The following CEP43 variants were observed in gnomAD, a reference collection of about 807,000 sequenced individuals.
CEP43 encodes the protein centrosomal protein 43.
In CEP43, 36 loss-of-function variants were observed where a neutral mutation model predicts 52.6. The observed-to-expected ratio is 0.68, with a 90% CI of 0.52 to 0.90. The LOEUF is 0.90. Ranked by LOEUF, CEP43 falls within the 40% of genes least tolerant of loss-of-function variation. The pLI, the probability that CEP43 is intolerant of heterozygous loss-of-function variation, is 0.00. For synonymous variants in CEP43, 192 were observed against 172.4 expected (o/e 1.11, Z -0.89); for missense variants, 506 against 472.8 (o/e 1.07, Z -0.65).
intron 10 of CEP43, among the ~76,000 whole-genome samples, chr6:167,029,217 C>G (rs1780416404): frequency 1.3e-5 from 2 of 152,176 alleles, no homozygotes; most frequent in Non-Finnish European, 2.9e-5. Flanking sequence ...CCAAAGATGA[C>G]TGGGGTAAGG....
At chr6:167,003,506 G>A (rs926712234) in intron 3 of CEP43, 1 of 522,006 alleles carries the variant, frequency 1.9e-6, no homozygotes. Context: ...TCTATGAGAT[G>A]ATTGTCTTAC....
In CEP43 at chr6:167,004,500, C is replaced by A. The variant is rs993996116; in HGVS notation, c.438+99C>A. On this transcript the variant is annotated intron_variant, in intron 5 of 12. Coordinates refer to ENST00000366847, the MANE Select transcript of CEP43 (RefSeq NM_007045.4). ...TATATAGTAAATTAAGGTTTTCATA[C>A]TAGAAGATATTCCTTAAAAACAAAA... is the stretch of plus-strand genomic sequence containing the variant. 2.3e-5 allele frequency: 23 copies of A among 1,010,574 alleles called. No individual in the cohort carries two copies. In the Admixed American group the frequency reaches 5.0e-4, roughly 22 times the overall value. 62.6% of individuals were successfully genotyped at this position (1,010,574 alleles called of 1,614,324 possible).
chr6:167,014,644 T>C (rs1162119413), intron 7 of CEP43, among the ~76,000 whole-genome samples: 1 of 152,246 alleles, frequency 6.6e-6, no homozygotes, highest in Non-Finnish European at 1.5e-5. Context: ...ATGGCTTTAG[T>C]TCTAGGAGTT....
chr6:167,050,256 TCTC>T lies in CEP43; in HGVS notation c.*10281_*10283del, dbSNP rs1364315943. On this transcript the variant is annotated 3_prime_UTR_variant, in exon 13 of 13. Transcript: ENST00000366847. ...CACACTGTGAAGAAGGTGCCTTGCTTCTCCTTTGCCTTCTGCCATGAGTGTAAG... is the reference window on the plus strand; with the variant it reads ...CACACTGTGAAGAAGGTGCCTTGCTTCTTTGCCTTCTGCCATGAGTGTAAG... The T allele has an allele frequency of 1.3e-5, 2 of 152,620 alleles. No homozygotes were observed. Among genetic ancestry groups the T allele is most frequent in the South Asian group, 2.1e-4 (1 of 4,844 alleles). The allele number at this position is 152,620 out of a possible 1,614,324, so 9.5% of individuals were successfully genotyped here. A position where few individuals can be genotyped will look rare whatever the true frequency, so the allele number is the denominator to read the frequency against.
rs1278560755 is a variant in CEP43, at chr6:167,035,794, C to T, written c.1125+1823C>T. Among the ~76,000 whole-genome samples, 6 of 152,156 alleles carry T rather than the reference C, an allele frequency of 3.9e-5. No homozygotes were observed. The South Asian group carries it at 6.2e-4, about 16-fold the overall frequency. ...ATGTTAGCCAGGATGATCTTGATCTCCTGACCTCGTGCTCTGCCTGCCTCG... is the reference window on the plus strand; with the variant it reads ...ATGTTAGCCAGGATGATCTTGATCTTCTGACCTCGTGCTCTGCCTGCCTCG... On this transcript the variant is annotated intron_variant, in intron 12 of 12. Transcript: ENST00000366847.
intron 12 of CEP43, 35 bp downstream of exon 12, chr6:167,034,006 T>C: frequency 1.0e-6 from 1 of 1,000,792 alleles, no homozygotes; most frequent in Non-Finnish European, 1.5e-6. Flanking sequence ...GAGTGCTTTT[T>C]TTTTTTAACC....
At position 167,022,289 on chromosome 6, in the gene CEP43, C is replaced by CACACACACACACAT. The variant is rs962565166; in HGVS notation, c.580-113_580-112insCACACATACACACA. On this transcript the variant is annotated intron_variant, in intron 7 of 12. Transcript: ENST00000366847. ...ACACACACACACACACACACACACACACACACAAAGGTTGCACACACACAG... is the reference window on the plus strand; with the variant it reads ...ACACACACACACACACACACACACACACACACACACACATACACACAAAGGTTGCACACACACAG... 1.3e-4 allele frequency: 86 copies of CACACACACACACAT among 664,660 alleles called. No homozygotes were observed. In the African/African-American group the frequency reaches 1.6e-3, roughly 12 times the overall value. 41.2% of individuals were successfully genotyped at this position (664,660 alleles called of 1,614,324 possible).
At chr6:167,000,028 T>G in intron 1 of CEP43, 32 bp from the exon 2 acceptor site, 1 of 1,576,546 alleles carries the variant, frequency 6.3e-7, no homozygotes, top group African/African-American at 1.3e-5. Context: ...GTCTTGAAAT[T>G]ATAATTTCCT....
chr6:167,046,187 C>T lies in CEP43; in HGVS notation c.*6209C>T, dbSNP rs1214181223. The stretch of plus-strand genomic sequence containing the variant: ...GTATATATGGCAGATCATATCTGAG[C>T]GTGAATTACATTCTCCAATATTTTT... On this transcript the variant is annotated 3_prime_UTR_variant, in exon 13 of 13. Transcript: ENST00000366847. The T allele has an allele frequency of 2.1e-5, 3 of 142,574 alleles. No homozygotes were observed. Among genetic ancestry groups the T allele is most frequent in the Admixed American group, 7.0e-5 (1 of 14,342 alleles). The allele number at this position is 142,574 out of a possible 1,614,324, so 8.8% of individuals were successfully genotyped here.
chr6:167,035,571 GTT>G (rs562051538), intron 12 of CEP43, among the ~76,000 whole-genome samples: 3 of 138,366 alleles, frequency 2.2e-5, no homozygotes, highest in Non-Finnish European at 1.6e-5. Context: ...ACTTTTTTTT[GTT>G]TTTTTTTTTT....
intron 1 of CEP43, 166 bp from the exon 2 acceptor site, chr6:166,999,894 G>A (rs1327274832): frequency 1.7e-6 from 1 of 588,850 alleles, no homozygotes. Context: ...CGAAGCCTGG[G>A]GGTCGGAGAG....
At position 167,042,193 on chromosome 6, in the gene CEP43, CT is replaced by C; in HGVS notation, c.*2220del. 1 of 1,006,414 alleles carries C rather than the reference CT, an allele frequency of 9.9e-7. No individual in the cohort carries two copies. Among genetic ancestry groups the C allele is most frequent in the Non-Finnish European group, 1.2e-6 (1 of 841,480 alleles). The allele number at this position is 1,006,414 out of a possible 1,614,324, so 62.3% of individuals were successfully genotyped here. On this transcript the variant is annotated 3_prime_UTR_variant, in exon 13 of 13. Transcript: ENST00000366847. ...TGAAAAAGCTTTCTTTTCACATGTA[CT>C]TTTTGATTAGGTATTATCAACTTAT...
rs759246301 is a variant in CEP43 at position 167,004,260 on chromosome 6, C to T, written c.301-4C>T. The T allele has an allele frequency of 5.0e-6, 8 of 1,588,914 alleles. No individual in the cohort carries two copies. The highest frequency in any genetic ancestry group is 1.9e-5 in the Admixed American group (1 of 53,730). On this transcript the variant is annotated splice_region_variant and splice_polypyrimidine_tract_variant and intron_variant, in intron 4 of 12. Transcript: ENST00000366847. Reference sequence around the variant, plus strand: ...GTGCACTTGTATTTTAACTTCTTTTCTAGCTGCAAGGTCTCGAAGGTCGAG... The same window carrying T: ...GTGCACTTGTATTTTAACTTCTTTTTTAGCTGCAAGGTCTCGAAGGTCGAG...
intron 7 of CEP43, among the ~76,000 whole-genome samples, chr6:167,017,873 T>C (rs776151105): frequency 2.6e-5 from 4 of 152,204 alleles, no homozygotes; most frequent in Non-Finnish European, 5.9e-5. Flanking sequence ...CTCACTTTTA[T>C]GAAAAGACAA....
intron 5 of CEP43, among the ~76,000 whole-genome samples, chr6:167,010,085 ACAGT>A (rs1156425456): frequency 6.6e-6 from 1 of 152,262 alleles, no homozygotes; most frequent in East Asian, 1.9e-4. Context: ...TTAAAAAGTT[ACAGT>A]CAGTCATAAA....
At position 167,043,533 on chromosome 6, in the gene CEP43, A is replaced by G. The variant is rs374977667; in HGVS notation, c.*3555A>G. On this transcript the variant is annotated 3_prime_UTR_variant, in exon 13 of 13. Coordinates refer to ENST00000366847, the MANE Select transcript of CEP43 (RefSeq NM_007045.4). ...GTAGCTGAGATTACAGGTGCCTGCC[A>G]CCATGCCCAGCTAATTTTTATAATT... 3.3e-5 allele frequency: 5 copies of G among 152,082 alleles called. No homozygotes were observed. Among genetic ancestry groups the G allele is most frequent in the African/African-American group, 1.2e-4 (5 of 41,342 alleles). 9.4% of individuals were successfully genotyped at this position (152,082 alleles called of 1,614,324 possible). A position where few individuals can be genotyped will look rare whatever the true frequency, so the allele number is the denominator to read the frequency against.
chr6:167,013,557 C>G lies in CEP43; in HGVS notation c.569C>G (p.Ala190Gly), dbSNP rs34617108. Reference sequence around the variant, plus strand: ...AAGAAGAAGACAAGCGGGCAGAAGGCTGGTGACAAGGTAACATGCATGAGG... The same window carrying G: ...AAGAAGAAGACAAGCGGGCAGAAGGGTGGTGACAAGGTAACATGCATGAGG... ...QGKKKTSGQK[A>G]GDKKANDEAN... The change falls in exon 7 of 13, where the codon GCT becomes GGT. Residue 190 changes from alanine (A) to glycine (G), a missense_variant. By Grantham distance (60) the Ala-to-Gly change is moderately conservative. Transcript: ENST00000366847. 2,113 of 1,613,650 alleles carry G rather than the reference C, an allele frequency of 1.3e-3. 31 individuals are homozygous for G. The African/African-American group carries it at 0.025, about 19-fold the overall frequency.
intron 12 of CEP43, among the ~76,000 whole-genome samples, chr6:167,035,847 G>A (rs772758428): frequency 1.6e-4 from 25 of 152,124 alleles, no homozygotes; most frequent in Non-Finnish European, 1.8e-4. Context: ...GATTACAGGC[G>A]TGAGCCACCG....
intron 8 of CEP43, among the ~76,000 whole-genome samples, chr6:167,024,500 C>T (rs2301436): frequency 0.42 from 63,860 of 151,666 alleles, 13,645 homozygotes; most frequent in Non-Finnish European, 0.47. Flanking sequence ...AAAGGGCTTC[C>T]GAAAAAAATC....
Sources: allele counts gnomAD v4.1 joint callset (sites outside exome capture counted in the v4.1 genomes callset), GRCh38; gene constraint gnomAD v4.1.1; transcripts MANE v1.5; gene names NCBI Gene and HGNC (gene_info 2026-07-23, HGNC 2026-07-21).